Variants in LTN1 observed in about 807,000 individuals in gnomAD.
LTN1 encodes listerin E3 ubiquitin protein ligase 1.
Under a neutral mutation model 201.2 loss-of-function variants are expected in LTN1, and 88 were observed. The observed-to-expected ratio is 0.44, with a 90% CI of 0.37 to 0.52. The LOEUF is 0.52. LTN1 is among the 20% of genes least tolerant of loss of function. The probability of loss-of-function intolerance (pLI) is 0.00; values close to 1 mark genes in which losing one functional copy is unlikely to be tolerated. For synonymous variants in LTN1, 645 were observed against 713.5 expected (o/e 0.90, Z 1.53); for missense variants, 1,752 against 2,038.7 (o/e 0.86, Z 2.71).
chr21:28,959,589 G>A lies in LTN1; in HGVS notation c.2462C>T (p.Ser821Phe), dbSNP rs1253307641. ...GTTATAGGCCACATCACAGATAAAA[G>A]ACACTGATGAGTCACTGCTTTCAGC... ...SEAESSDSSV[S>F]FICDVAYNYF... is the part of the protein sequence containing the mutation. Residue 821 changes from serine (S) to phenylalanine (F), a missense_variant, in exon 13 of 30, where the codon TCT becomes TTT. By Grantham distance (155) the Ser-to-Phe change is radical (BLOSUM62 -2). Coordinates refer to ENST00000361371, the MANE Select transcript of LTN1 (RefSeq NM_015565.3). 6.2e-7 allele frequency: 1 copy of A among 1,614,004 alleles called. No homozygotes were observed. The highest frequency in any genetic ancestry group is 2.2e-5 in the East Asian group (1 of 44,850).
chr21:28,988,688 C>T (rs1028031321), intron 1 of LTN1, among the ~76,000 whole-genome samples: 1 of 151,434 alleles, frequency 6.6e-6, no homozygotes, highest in Non-Finnish European at 1.5e-5. Flanking sequence ...GAAAATAGGT[C>T]AGGCGCGGTG....
At chr21:28,957,771 A>T (rs963140315) in intron 14 of LTN1, among the ~76,000 whole-genome samples, 2 of 152,220 alleles carry the variant, frequency 1.3e-5, no homozygotes, top group African/African-American at 4.8e-5. Context: ...TATGAAATGC[A>T]GCACTATTTT....
At chr21:28,980,682 T>C (rs932775015) in intron 6 of LTN1, among the ~76,000 whole-genome samples, 1 of 152,094 alleles carries the variant, frequency 6.6e-6, no homozygotes, top group Non-Finnish European at 1.5e-5. Flanking sequence ...AATGCCTCAG[T>C]ATTCACTAAG....
intron 9 of LTN1, among the ~76,000 whole-genome samples, chr21:28,969,165 G>A (rs2084552006): frequency 6.6e-6 from 1 of 151,840 alleles, no homozygotes; most frequent in African/African-American, 2.4e-5. Context: ...AGGTTGCAGT[G>A]AGCTGAGATT....
At position 28,945,834 on chromosome 21, in the gene LTN1, G is replaced by A; in HGVS notation, c.3741C>T (p.Ile1247=). The change falls in exon 21 of 30, where the codon ATC becomes ATT. Residue 1247 remains isoleucine, a synonymous_variant. Transcript: ENST00000361371. ...CCAACCAAGCCAACATGGAGCACAT[G>A]ATGAAGTCCCACTCACTCTCTGCCA... is the stretch of plus-strand genomic sequence containing the variant. ...SPLAESEWDF[I]MCSMLAWLET... The A allele has an allele frequency of 6.2e-7, 1 of 1,613,670 alleles. No homozygotes were observed. Among genetic ancestry groups the A allele is most frequent in the Non-Finnish European group, 8.5e-7 (1 of 1,179,740 alleles).
chr21:28,980,284 C>G (rs1052243933), intron 6 of LTN1, among the ~76,000 whole-genome samples: 1 of 149,934 alleles, frequency 6.7e-6, no homozygotes, highest in South Asian at 2.1e-4. Context: ...ACGCTTTATC[C>G]AGGCATGAGT....
chr21:28,975,625 G>GA (rs1372898973), intron 6 of LTN1, among the ~76,000 whole-genome samples: 1 of 152,110 alleles, frequency 6.6e-6, no homozygotes, highest in Non-Finnish European at 1.5e-5. Context: ...CCATGGGGAT[G>GA]AAAAAAACAA....
chr21:28,982,383 A>T lies in LTN1; in HGVS notation c.577-15T>A. On this transcript the variant is annotated splice_polypyrimidine_tract_variant and intron_variant, in intron 4 of 29. Coordinates refer to ENST00000361371, the MANE Select transcript of LTN1 (RefSeq NM_015565.3). ...TCCTGCAGCACCTACAAAGGGGGGA[A>T]ATACCAAAGCCTTTGGTTTTACTGA... The T allele has an allele frequency of 6.2e-7, 1 of 1,606,924 alleles. No individual in the cohort carries two copies. The highest frequency in any genetic ancestry group is 1.3e-5 in the African/African-American group (1 of 74,888).
At position 28,986,201 on chromosome 21, in the gene LTN1, C is replaced by T. The variant is rs752041465; in HGVS notation, c.283G>A (p.Asp95Asn). ...QEFGTMCTER[D>N]TETVKGVLPY... ...AGAACTCCTTTCACAGTTTCTGTGT[C>T]TCTCTCTGTACACATGGTTCCAAAT... Residue 95 changes from aspartate to asparagine, a missense_variant, in exon 3 of 30, where the codon GAC becomes AAC. Asp to Asn is a conservative substitution (Grantham distance 23, BLOSUM62 1). This residue lies in a region of LTN1 where 280 missense variants were observed against 375.7 expected (regional missense o/e 0.75). Coordinates refer to ENST00000361371, the MANE Select transcript of LTN1 (RefSeq NM_015565.3). This position sits in a 1 kb window ranked among gnomAD's most constrained non-coding sequence, Gnocchi z 4.1. The T allele has an allele frequency of 6.2e-7, 1 of 1,613,202 alleles. No homozygotes were observed. The highest frequency in any genetic ancestry group is 8.5e-7 in the Non-Finnish European group (1 of 1,179,260).
chr21:28,985,934 T>A (rs1312598637), intron 3 of LTN1, among the ~76,000 whole-genome samples: 1 of 152,206 alleles, frequency 6.6e-6, no homozygotes, highest in East Asian at 1.9e-4. Flanking sequence ...GTGCTGGGAT[T>A]ACAGGCATGA....
At chr21:28,966,286 G>A in intron 10 of LTN1, 84 bp downstream of exon 10, 1 of 1,191,494 alleles carries the variant, frequency 8.4e-7, no homozygotes, top group East Asian at 2.4e-5. Context: ...CACTCACAGT[G>A]AAGAAACAAC....
chr21:28,931,280 C>T lies in LTN1; in HGVS notation c.5113G>A (p.Val1705Ile), dbSNP rs190799686. The change falls in exon 29 of 30, where the codon GTA becomes ATA. Residue 1705 changes from valine to isoleucine, a missense_variant. Coordinates refer to ENST00000361371, the MANE Select transcript of LTN1 (RefSeq NM_015565.3). ...TCAACACCCTCAAAACGTTTGTCTA[C>T]GTTATTTTTCCATAAAGCTAAGCCT... is the stretch of plus-strand genomic sequence containing the variant. ...MEGLALWKNN[V>I]DKRFEGVEDC... 17 of 1,612,206 alleles carry T rather than the reference C, an allele frequency of 1.1e-5. No individual in the cohort carries two copies. Among genetic ancestry groups the T allele is most frequent in the Admixed American group, 5.0e-5 (3 of 59,862 alleles).
At chr21:28,953,001 T>C (rs2088817921) in intron 17 of LTN1, among the ~76,000 whole-genome samples, 1 of 152,244 alleles carries the variant, frequency 6.6e-6, no homozygotes, top group Non-Finnish European at 1.5e-5. Context: ...TATGTATTTA[T>C]GGATTTAATA....
chr21:28,982,281 C>T (rs2084664825), intron 5 of LTN1, 35 bp downstream of exon 5: 5 of 1,567,394 alleles, frequency 3.2e-6, no homozygotes, highest in Admixed American at 1.7e-5. Context: ...GAAACAAATC[C>T]TTAACATGAG....
At chr21:28,990,669 G>C (rs1046656308) in intron 1 of LTN1, among the ~76,000 whole-genome samples, 3 of 152,126 alleles carry the variant, frequency 2.0e-5, no homozygotes, top group Non-Finnish European at 2.9e-5. Context: ...AAGTGCCCCT[G>C]GTGTGTGATG....
chr21:28,986,457 AT>A lies in LTN1; in HGVS notation c.247-221del. ...AAACATCTACAAACAAAAAAACCTC[AT>A]TTAAAGTTACAAGGTCAAAGTTACA... On this transcript the variant is annotated intron_variant, in intron 2 of 29. Transcript: ENST00000361371. This position sits in a 1 kb window ranked among gnomAD's most constrained non-coding sequence, Gnocchi z 4.1. The A allele has an allele frequency of 1.5e-6, 1 of 677,294 alleles. No homozygotes were observed. Among genetic ancestry groups the A allele is most frequent in the Non-Finnish European group, 2.7e-6 (1 of 377,216 alleles). The allele number at this position is 677,294 out of a possible 1,614,324, so 42.0% of individuals were successfully genotyped here.
intron 21 of LTN1, among the ~76,000 whole-genome samples, chr21:28,945,048 C>A (rs1056684267): frequency 1.3e-5 from 2 of 151,994 alleles, no homozygotes; most frequent in African/African-American, 4.8e-5. Context: ...ATGGTGAAAC[C>A]GCATCTCTAC....
At chr21:28,988,349 C>A (rs1601007618) in intron 1 of LTN1, among the ~76,000 whole-genome samples, 1 of 151,788 alleles carries the variant, frequency 6.6e-6, no homozygotes, top group African/African-American at 2.4e-5. Context: ...TGCCTGTAAT[C>A]CCACCTACTC....
rs746623182 is a variant in LTN1, at chr21:28,946,164, A to C, written c.3611T>G (p.Phe1204Cys). 3.8e-6 allele frequency: 6 copies of C among 1,581,342 alleles called. No individual in the cohort carries two copies. The Admixed American group carries it at 1.2e-4, about 30-fold the overall frequency. Residue 1204 changes from phenylalanine (F) to cysteine (C), a missense_variant, in exon 20 of 30, where the codon TTT (phenylalanine) becomes TGT (cysteine). Coordinates refer to ENST00000361371, the MANE Select transcript of LTN1 (RefSeq NM_015565.3). The stretch of plus-strand genomic sequence containing the variant: ...AAGTATCACCTACCAACTGAAAAGA[A>C]AAATATCTTCATGCTCTTTCTTCCA... Reference protein sequence around the residue: ...ISWKKEHEDIFLFSCNLSEAS... With the variant: ...ISWKKEHEDICLFSCNLSEAS...
Sources: gnomAD v4.1 joint callset for allele counts (sites outside exome capture counted in the v4.1 genomes callset) on GRCh38, gnomAD v4.1.1 for gene constraint, gnomAD v4.1.1 regional missense constraint, Gnocchi (gnomAD v3.1) non-coding constraint, MANE v1.5 for transcripts, NCBI Gene and HGNC (gene_info 2026-07-23, HGNC 2026-07-21) for gene names.